EYS: variants seen among roughly 807,000 people sequenced by gnomAD.
The protein encoded by EYS is protein eyes shut homolog.
EYS carries 250 observed loss-of-function variants against 282.1 expected under a neutral mutation model. The observed-to-expected ratio is 0.89, with a 90% confidence interval of 0.80 to 0.98. The LOEUF (loss-of-function observed/expected upper bound fraction) is 0.98. Ranked by LOEUF, EYS falls within the 50% of genes least tolerant of loss-of-function variation. The probability of loss-of-function intolerance (pLI) is 0.00; values close to 1 mark genes in which losing one functional copy is unlikely to be tolerated. For synonymous variants in EYS, 1,355 were observed against 1,282.9 expected (o/e 1.06, Z -1.20); for missense variants, 4,016 against 3,709.0 (o/e 1.08, Z -2.15).
chr6:64,516,768 T>C (rs983927965), intron 26 of EYS, among the ~76,000 whole-genome samples: 1 of 151,818 alleles, frequency 6.6e-6, no homozygotes, highest in Non-Finnish European at 1.5e-5. Context: ...ATAAAATTTG[T>C]TTTTTTCTAT....
chr6:64,825,329 C>G (rs994495790), intron 19 of EYS, among the ~76,000 whole-genome samples: 2 of 151,904 alleles, frequency 1.3e-5, no homozygotes, highest in African/African-American at 4.8e-5. Flanking sequence ...TTGTAGCATT[C>G]CATAAGATGT....
At chr6:65,505,522 A>G (rs1249701443) in intron 2 of EYS, among the ~76,000 whole-genome samples, 1 of 151,978 alleles carries the variant, frequency 6.6e-6, no homozygotes, top group African/African-American at 2.4e-5. Context: ...TTTCTAATAT[A>G]TGCATTTAAT....
chr6:65,279,959 C>T (rs1004563427), intron 12 of EYS, among the ~76,000 whole-genome samples: 2 of 152,196 alleles, frequency 1.3e-5, no homozygotes, highest in Admixed American at 1.3e-4. Flanking sequence ...TAATGAATAC[C>T]TCAGGAAAGG....
At chr6:65,054,051 T>C (rs924294377) in intron 13 of EYS, among the ~76,000 whole-genome samples, 1 of 152,002 alleles carries the variant, frequency 6.6e-6, no homozygotes, top group African/African-American at 2.4e-5. Context: ...GCTTTTTGCA[T>C]AGAAACTGAA....
At chr6:64,767,229 A>G (rs1357617559) in intron 22 of EYS, among the ~76,000 whole-genome samples, 1 of 152,062 alleles carries the variant, frequency 6.6e-6, no homozygotes, top group African/African-American at 2.4e-5. Flanking sequence ...ACATCAGGGT[A>G]ATTAGCATAT....
At chr6:65,512,939 C>T (rs1222704758) in intron 2 of EYS, among the ~76,000 whole-genome samples, 3 of 152,088 alleles carry the variant, frequency 2.0e-5, no homozygotes, top group East Asian at 1.9e-4. Flanking sequence ...TAACTAAAAT[C>T]AGAGCAGAAC....
intron 4 of EYS, 92 bp downstream of exon 4, chr6:65,494,571 G>A (rs1355014834): frequency 7.4e-6 from 9 of 1,221,258 alleles, no homozygotes; most frequent in African/African-American, 3.0e-5. Context: ...GTGAGCCACC[G>A]CATTTAAAAT....
intron 28 of EYS, among the ~76,000 whole-genome samples, chr6:64,395,080 C>T (rs77225408): frequency 6.6e-6 from 1 of 151,892 alleles, no homozygotes; most frequent in Non-Finnish European, 1.5e-5. Flanking sequence ...AACCATGATG[C>T]GATACCATCT....
chr6:64,630,332 C>T (rs958822612), intron 22 of EYS, among the ~76,000 whole-genome samples: 2 of 152,062 alleles, frequency 1.3e-5, no homozygotes, highest in African/African-American at 2.4e-5. Context: ...CTCCTGACCT[C>T]GTGATCCACC....
chr6:63,734,324 GTC>G (rs1308001436), intron 41 of EYS, among the ~76,000 whole-genome samples: 1 of 151,958 alleles, frequency 6.6e-6, no homozygotes, highest in Non-Finnish European at 1.5e-5. Context: ...GTAGAAAATT[GTC>G]TCTCTACATA....
intron 13 of EYS, among the ~76,000 whole-genome samples, chr6:65,017,354 T>C (rs537745117): frequency 9.8e-5 from 15 of 152,356 alleles, no homozygotes; most frequent in African/African-American, 3.6e-4. Context: ...CATTTTAAAT[T>C]TATGACTTAC....
chr6:63,974,093 T>A (rs1342712709), intron 35 of EYS, among the ~76,000 whole-genome samples: 1 of 152,092 alleles, frequency 6.6e-6, no homozygotes, highest in Non-Finnish European at 1.5e-5. Flanking sequence ...ATTCTGAATA[T>A]CTCACATTTT....
intron 12 of EYS, among the ~76,000 whole-genome samples, chr6:65,083,425 T>G (rs1378397088): frequency 2.0e-5 from 3 of 152,032 alleles, no homozygotes; most frequent in Non-Finnish European, 4.4e-5. Flanking sequence ...ATTATGACTC[T>G]TTACATGACT....
At chr6:65,179,624 G>C (rs1765322080) in intron 12 of EYS, among the ~76,000 whole-genome samples, 1 of 152,080 alleles carries the variant, frequency 6.6e-6, no homozygotes, top group Non-Finnish European at 1.5e-5. Context: ...TTCTACCAGA[G>C]GTACAAGGAG....
intron 36 of EYS, among the ~76,000 whole-genome samples, chr6:63,843,342 C>T (rs2149698660): frequency 6.6e-6 from 1 of 152,070 alleles, no homozygotes; most frequent in Admixed American, 6.6e-5. Flanking sequence ...AGTTCTATTC[C>T]TAGGTATTTT....
chr6:64,151,972 C>A (rs534105637), intron 31 of EYS, among the ~76,000 whole-genome samples: 1 of 152,014 alleles, frequency 6.6e-6, no homozygotes, highest in East Asian at 1.9e-4. Context: ...CTGCTTTTTT[C>A]TTTGAGCACT....
At chr6:64,253,462 G>A (rs913660511) in intron 30 of EYS, among the ~76,000 whole-genome samples, 3 of 152,152 alleles carry the variant, frequency 2.0e-5, no homozygotes, top group African/African-American at 7.2e-5. Context: ...TCTTGTGAGA[G>A]CAACAAACAC....
intron 18 of EYS, among the ~76,000 whole-genome samples, chr6:64,893,499 T>A (rs1583268637): frequency 6.6e-6 from 1 of 152,054 alleles, no homozygotes; most frequent in Non-Finnish European, 1.5e-5. Flanking sequence ...CTTGAAATAT[T>A]TTTAGTGAGT....
At chr6:63,855,583 A>T (rs1322158013) in intron 36 of EYS, among the ~76,000 whole-genome samples, 8 of 152,226 alleles carry the variant, frequency 5.3e-5, no homozygotes, top group Non-Finnish European at 1.2e-4. Flanking sequence ...TCAGAAAAAA[A>T]TTTCAGAACC....
Sources: allele counts gnomAD v4.1 joint callset (sites outside exome capture counted in the v4.1 genomes callset), GRCh38; gene constraint gnomAD v4.1.1; transcripts MANE v1.5; gene names NCBI Gene and HGNC (gene_info 2026-07-23, HGNC 2026-07-21).